The following SOX5 variants were observed in gnomAD, a reference collection of about 807,000 sequenced individuals.
SOX5 encodes the protein SRY-box transcription factor 5, also known as transcription factor SOX-5.
Under a neutral mutation model 92.0 loss-of-function variants are expected in SOX5, and 9 were observed. The ratio of observed to expected loss-of-function variants is 0.10; its 90% CI spans 0.06 to 0.17. SOX5 has a LOEUF of 0.17. Among genes scored for constraint, SOX5 ranks in the 10% least tolerant of loss-of-function variants. The probability of loss-of-function intolerance (pLI) is 1.00; values close to 1 mark genes in which losing one functional copy is unlikely to be tolerated. For synonymous variants in SOX5, 344 were observed against 336.3 expected, an observed-to-expected ratio of 1.02 and a Z score of -0.25; for missense variants, 642 against 944.5, an observed-to-expected ratio of 0.68 and a Z score of 4.20.
chr12:24,523,895 G>A (rs1321225209), intron 1 of SOX5, among the ~76,000 whole-genome samples: 4 of 152,174 alleles, frequency 2.6e-5, no homozygotes, highest in African/African-American at 4.8e-5. Context: ...AGACAAGTGG[G>A]ACTATATCAA....
chr12:24,197,838 T>C (rs1320915795), intron 4 of SOX5, among the ~76,000 whole-genome samples: 3 of 152,184 alleles, frequency 2.0e-5, no homozygotes, highest in Non-Finnish European at 1.5e-5. Flanking sequence ...CGGGTTCCTG[T>C]TACTTGAAGC....
chr12:23,993,600 A>C (rs1950753159), intron 4 of SOX5, among the ~76,000 whole-genome samples: 1 of 152,146 alleles, frequency 6.6e-6, no homozygotes, highest in South Asian at 2.1e-4. Context: ...ATACTCCTCC[A>C]TTGTGCCAAA....
intron 9 of SOX5, among the ~76,000 whole-genome samples, chr12:23,591,814 G>A (rs1476129849): frequency 6.6e-6 from 1 of 152,082 alleles, no homozygotes. Flanking sequence ...CTGTCACAAT[G>A]CTTCTTAAAA....
chr12:24,384,816 G>T lies in SOX5; in HGVS notation c.-250-16177C>A, dbSNP rs539796068. Among the ~76,000 whole-genome samples, 313 of 152,258 alleles carry T rather than the reference G, an allele frequency of 2.1e-3. 1 individual carries two copies. The highest frequency in any genetic ancestry group is 2.6e-3 in the Non-Finnish European group (177 of 68,036). On this transcript the variant is annotated intron_variant, in intron 1 of 4. Coordinates refer to the SOX5 transcript ENST00000446891. ...AGCTTAAATGAAGATTTCAGCAAGGGATCTCCTGAAACGAGTAATATCAAA... is the reference window on the plus strand; with the variant it reads ...AGCTTAAATGAAGATTTCAGCAAGGTATCTCCTGAAACGAGTAATATCAAA...
chr12:24,277,880 T>C (rs1053120254), intron 2 of SOX5, among the ~76,000 whole-genome samples: 5 of 152,282 alleles, frequency 3.3e-5, no homozygotes, highest in Admixed American at 2.6e-4. Flanking sequence ...CAGCTATTTT[T>C]CATTTCATTC....
chr12:24,215,984 C>T (rs1201537196), intron 3 of SOX5, among the ~76,000 whole-genome samples: 2 of 152,106 alleles, frequency 1.3e-5, no homozygotes, highest in African/African-American at 4.8e-5. Flanking sequence ...GATAAGGTTG[C>T]CCAGACAAGT....
At chr12:23,684,577 T>C (rs965397147) in intron 6 of SOX5, among the ~76,000 whole-genome samples, 1 of 152,114 alleles carries the variant, frequency 6.6e-6, no homozygotes, top group Non-Finnish European at 1.5e-5. Context: ...TCCATACTTT[T>C]TAAAGAACAT....
chr12:23,676,513 T>G (rs2085724311), intron 6 of SOX5, among the ~76,000 whole-genome samples: 1 of 152,144 alleles, frequency 6.6e-6, no homozygotes, highest in East Asian at 1.9e-4. Flanking sequence ...GAGCGCTCAC[T>G]TGGTGCCAGG....
rs1464734784 is a variant in SOX5 at position 24,201,660 on chromosome 12, C to A, written c.-2+11683G>T. ...GCTAACTCTCAAGTTGCTATCGATC[C>A]TTTACCCTAGTCCTTTAATGTTGTC... is the stretch of plus-strand genomic sequence containing the variant. On this transcript the variant is annotated intron_variant, in intron 4 of 4. Transcript: ENST00000446891. 2.0e-5 allele frequency among the ~76,000 whole-genome samples: 3 copies of A among 152,186 alleles called. No individual in the cohort carries two copies. In the East Asian group the frequency reaches 5.8e-4, roughly 29 times the overall value.
intron 2 of SOX5, among the ~76,000 whole-genome samples, chr12:24,323,682 A>G (rs1202962061): frequency 1.3e-5 from 2 of 152,128 alleles, no homozygotes; most frequent in African/African-American, 4.8e-5. Context: ...GAAAAATGCA[A>G]ACAGCTTCCT....
At chr12:23,641,403 C>G (rs971709048) in intron 7 of SOX5, among the ~76,000 whole-genome samples, 1 of 152,032 alleles carries the variant, frequency 6.6e-6, no homozygotes, top group African/African-American at 2.4e-5. Context: ...AAATTAACAA[C>G]GAAGAAAACA....
rs550183028 is a variant in SOX5 at position 23,604,062 on chromosome 12, G to A, written c.1164+325C>T. ...TTTACAAAATTTATTTTGTATCATA[G>A]AGTATGGCTATTTGGCTATTTTTAT... On this transcript the variant is annotated intron_variant, in intron 9 of 14. Transcript: ENST00000451604. 8 of 211,466 alleles carry A rather than the reference G, an allele frequency of 3.8e-5. No homozygotes were observed. In the East Asian group the frequency reaches 5.9e-4, roughly 16 times the overall value. The allele number at this position is 211,466 out of a possible 1,614,324, so 13.1% of individuals were successfully genotyped here. A position where few individuals can be genotyped will look rare whatever the true frequency, so the allele number is the denominator to read the frequency against.
At chr12:24,539,409 T>C (rs1951919071) in intron 1 of SOX5, among the ~76,000 whole-genome samples, 2 of 152,282 alleles carry the variant, frequency 1.3e-5, no homozygotes, top group East Asian at 3.9e-4. Flanking sequence ...TCTCCAACTG[T>C]TGAGCTACCT....
chr12:24,554,830 A>C (rs940772937), intron 1 of SOX5, among the ~76,000 whole-genome samples: 1 of 152,180 alleles, frequency 6.6e-6, no homozygotes, highest in Non-Finnish European at 1.5e-5. Context: ...ACTCTGGCCC[A>C]AAAAAATAGC....
chr12:23,633,056 C>G (rs2078758059), intron 8 of SOX5, among the ~76,000 whole-genome samples: 1 of 152,120 alleles, frequency 6.6e-6, no homozygotes, highest in Admixed American at 6.6e-5. Context: ...GAATTTCAAT[C>G]TTTTTTTCCT....
chr12:24,275,932 TTTA>T (rs199541379), intron 3 of SOX5, among the ~76,000 whole-genome samples: 1,796 of 152,228 alleles, frequency 0.012, 16 homozygotes, highest in Non-Finnish European at 0.02. Context: ...TTGCATTCCT[TTTA>T]TTACCTTTTG....
chr12:24,181,948 T>A (rs970176567), intron 4 of SOX5, among the ~76,000 whole-genome samples: 4 of 152,212 alleles, frequency 2.6e-5, no homozygotes, highest in Non-Finnish European at 5.9e-5. Flanking sequence ...GTGTATACCA[T>A]GTGAAACAAG....
chr12:24,031,464 G>A (rs1955504200), intron 4 of SOX5, among the ~76,000 whole-genome samples: 1 of 151,870 alleles, frequency 6.6e-6, no homozygotes, highest in Admixed American at 6.6e-5. Flanking sequence ...TAATTTACAT[G>A]TGAAATCTCA....
intron 4 of SOX5, among the ~76,000 whole-genome samples, chr12:24,151,609 T>A (rs1951662289): frequency 6.6e-6 from 1 of 152,160 alleles, no homozygotes; most frequent in African/African-American, 2.4e-5. Context: ...AATCTTGATG[T>A]GATAGCAGTG....
Sources: allele counts gnomAD v4.1 joint callset (sites outside exome capture counted in the v4.1 genomes callset), GRCh38; gene constraint gnomAD v4.1.1; transcripts MANE v1.5; gene names NCBI Gene and HGNC (gene_info 2026-07-23, HGNC 2026-07-21).